The following ANKRD6 variants were observed in gnomAD, a reference collection of about 807,000 sequenced individuals.
ANKRD6 encodes the protein ankyrin repeat domain 6, also known as ankyrin repeat domain-containing protein 6.
ANKRD6 carries 56 observed loss-of-function variants against 82.3 expected under a neutral mutation model. The ratio of observed to expected loss-of-function variants is 0.68; its 90% CI spans 0.55 to 0.85. The LOEUF (loss-of-function observed/expected upper bound fraction) is 0.85. Among genes scored for constraint, ANKRD6 ranks in the 40% least tolerant of loss-of-function variants. The pLI, the probability that ANKRD6 is intolerant of heterozygous loss-of-function variation, is 0.00. For missense variants in ANKRD6, 852 were observed against 907.6 expected (o/e 0.94, Z 0.79); for synonymous variants, 347 against 352.1 (o/e 0.99, Z 0.16).
chr6:89,547,434 G>C (rs745763219), intron 1 of ANKRD6, among the ~76,000 whole-genome samples: 5 of 152,182 alleles, frequency 3.3e-5, no homozygotes, highest in Non-Finnish European at 5.9e-5. Context: ...ACAAAGGGGC[G>C]GGGTGGAAAG....
chr6:89,501,442 T>C (rs938705612), intron 1 of ANKRD6, among the ~76,000 whole-genome samples: 3 of 152,228 alleles, frequency 2.0e-5, no homozygotes, highest in African/African-American at 7.2e-5. Context: ...ATTGGGTTGC[T>C]TGGAACTCCT....
chr6:89,601,707 C>T (rs117657352), intron 3 of ANKRD6: 1,889 of 152,194 alleles, frequency 0.012, 19 homozygotes, highest in South Asian at 0.041. Flanking sequence ...AGTACACTCA[C>T]ATTGTTGTGC....
intron 1 of ANKRD6, among the ~76,000 whole-genome samples, chr6:89,480,180 G>C (rs936270989): frequency 2.6e-5 from 4 of 152,188 alleles, no homozygotes; most frequent in Non-Finnish European, 4.4e-5. Flanking sequence ...ATTGTTGTCT[G>C]TCTGAAAGGT....
chr6:89,565,832 A>G (rs757844118), intron 1 of ANKRD6, among the ~76,000 whole-genome samples: 7 of 152,212 alleles, frequency 4.6e-5, no homozygotes, highest in Non-Finnish European at 7.3e-5. Flanking sequence ...TTTAATAAGT[A>G]TCTTTTAAAA....
At chr6:89,436,210 G>A (rs987558695) in intron 1 of ANKRD6, among the ~76,000 whole-genome samples, 1 of 152,202 alleles carries the variant, frequency 6.6e-6, no homozygotes, top group Non-Finnish European at 1.5e-5. Flanking sequence ...GTATGTGTGT[G>A]CCTATACTAC....
intron 1 of ANKRD6, among the ~76,000 whole-genome samples, chr6:89,484,190 G>A (rs1208160669): frequency 4.6e-5 from 7 of 152,162 alleles, no homozygotes; most frequent in Admixed American, 4.6e-4. Context: ...TTACAGATGT[G>A]AGCCACCGCG....
intron 7 of ANKRD6, among the ~76,000 whole-genome samples, chr6:89,616,239 C>T (rs1583812689): frequency 6.6e-6 from 1 of 152,230 alleles, no homozygotes; most frequent in Non-Finnish European, 1.5e-5. Context: ...AGGCCTCCTG[C>T]CTGTCCTCCT....
At chr6:89,617,930 C>T in intron 8 of ANKRD6, 24 bp from the exon 9 acceptor site, 1 of 1,612,394 alleles carries the variant, frequency 6.2e-7, no homozygotes, top group Non-Finnish European at 8.5e-7. Context: ...CCTTTCTCAC[C>T]TGTCCTACTC....
intron 1 of ANKRD6, among the ~76,000 whole-genome samples, chr6:89,498,036 ATAT>A (rs1778843746): frequency 6.6e-6 from 1 of 152,222 alleles, no homozygotes; most frequent in Non-Finnish European, 1.5e-5. Context: ...TCCACGAAGT[ATAT>A]GTTAATATCA....
At chr6:89,584,840 G>A (rs191063776) in intron 2 of ANKRD6, among the ~76,000 whole-genome samples, 2 of 152,254 alleles carry the variant, frequency 1.3e-5, no homozygotes, top group African/African-American at 4.8e-5. Context: ...AGATCACGGT[G>A]CCTACAGATT....
At chr6:89,462,244 AT>A (rs1473050577) in intron 1 of ANKRD6, among the ~76,000 whole-genome samples, 1 of 129,696 alleles carries the variant, frequency 7.7e-6, no homozygotes, top group Non-Finnish European at 1.7e-5. Flanking sequence ...AATAATAATA[AT>A]AATAATAATA....
At chr6:89,519,399 C>T (rs1781623963) in intron 1 of ANKRD6, among the ~76,000 whole-genome samples, 1 of 152,162 alleles carries the variant, frequency 6.6e-6, no homozygotes, top group South Asian at 2.1e-4. Context: ...ATTTAGGAAG[C>T]AAAACCAACA....
chr6:89,607,434 C>G (rs898187264), intron 5 of ANKRD6, among the ~76,000 whole-genome samples: 4 of 152,082 alleles, frequency 2.6e-5, no homozygotes, highest in African/African-American at 4.8e-5. Context: ...ATGCTTTCCA[C>G]TGTTAAAGAA....
intron 1 of ANKRD6, chr6:89,505,022 T>A (rs1379088078): frequency 6.6e-6 from 1 of 152,280 alleles, no homozygotes; most frequent in South Asian, 2.1e-4. Context: ...TGTGGCTGAT[T>A]GGCCCATTAT....
At chr6:89,475,326 A>G (rs1026632419) in intron 1 of ANKRD6, among the ~76,000 whole-genome samples, 15 of 152,232 alleles carry the variant, frequency 9.9e-5, no homozygotes, top group African/African-American at 3.6e-4. Flanking sequence ...ACTGTCTTCA[A>G]ATTGACTCAT....
At chr6:89,598,170 T>G (rs574537246) in intron 3 of ANKRD6, 3 of 985,336 alleles carry the variant, frequency 3.0e-6, no homozygotes, top group Non-Finnish European at 3.6e-6. Flanking sequence ...GGGATTATTA[T>G]GAATTTCAAC....
chr6:89,473,027 A>G (rs561559127), intron 1 of ANKRD6, among the ~76,000 whole-genome samples: 3 of 152,282 alleles, frequency 2.0e-5, no homozygotes, highest in African/African-American at 7.2e-5. Flanking sequence ...GGCATGCTAT[A>G]TAAGTTTTTC....
Position 89,623,479 on chromosome 6 carries a change from G to A in ANKRD6, c.967G>A (p.Glu323Lys), listed in dbSNP as rs1169623305. The A allele has an allele frequency of 2.5e-6, 4 of 1,604,560 alleles. No individual in the cohort carries two copies. The African/African-American group carries it at 5.4e-5, about 21-fold the overall frequency. Residue 323 changes from glutamate to lysine, a missense_variant, in exon 11 of 16, where the codon GAG becomes AAG. Coordinates refer to ENST00000339746, the MANE Select transcript of ANKRD6 (RefSeq NM_001242809.2). Reference protein sequence around the residue: ...AVARKEEAREEFLSASPEPRA... With the variant: ...AVARKEEAREKFLSASPEPRA... Reference sequence around the variant, plus strand: ...GGCCAGAAAAGAAGAAGCCAGAGAAGAGTTCCTGTCAGCCTCCCCAGAACC... The same window carrying A: ...GGCCAGAAAAGAAGAAGCCAGAGAAAAGTTCCTGTCAGCCTCCCCAGAACC...
At chr6:89,463,844 C>T (rs1397634968) in intron 1 of ANKRD6, among the ~76,000 whole-genome samples, 1 of 152,152 alleles carries the variant, frequency 6.6e-6, no homozygotes, top group Non-Finnish European at 1.5e-5. Flanking sequence ...AGCCACCACG[C>T]CCAGTCAAAA....
Sources: allele counts gnomAD v4.1 joint callset (sites outside exome capture counted in the v4.1 genomes callset), GRCh38; gene constraint gnomAD v4.1.1; transcripts MANE v1.5; gene names NCBI Gene and HGNC (gene_info 2026-07-23, HGNC 2026-07-21).